PTPRT: variants seen among roughly 807,000 people sequenced by gnomAD.
PTPRT encodes the protein protein tyrosine phosphatase receptor type T, also known as receptor-type tyrosine-protein phosphatase T.
A neutral mutation model predicts 176.8 loss-of-function variants in PTPRT; 56 were observed. The ratio of observed to expected loss-of-function variants is 0.32; its 90% CI spans 0.26 to 0.40. The LOEUF is 0.40. Among genes scored for constraint, PTPRT ranks in the 10% least tolerant of loss-of-function variants. The pLI, the probability that PTPRT is intolerant of heterozygous loss-of-function variation, is 1.00. For synonymous variants in PTPRT, 783 were observed against 739.0 expected, an observed-to-expected ratio of 1.06 and a Z score of -0.96; for missense variants, 1,540 against 1,908.2, an observed-to-expected ratio of 0.81 and a Z score of 3.60.
chr20:42,822,649 C>T (rs984826353), intron 2 of PTPRT, among the ~76,000 whole-genome samples: 3 of 151,906 alleles, frequency 2.0e-5, no homozygotes, highest in African/African-American at 7.3e-5. Flanking sequence ...TGCAATCTAC[C>T]CATCTGACAA....
intron 9 of PTPRT, among the ~76,000 whole-genome samples, chr20:42,375,979 G>A (rs2058645600): frequency 6.6e-6 from 1 of 152,086 alleles, no homozygotes; most frequent in Non-Finnish European, 1.5e-5. Context: ...AAGCAGCATG[G>A]GAGGATATAA....
chr20:42,821,927 A>G (rs1307699105), intron 2 of PTPRT, among the ~76,000 whole-genome samples: 2 of 152,188 alleles, frequency 1.3e-5, no homozygotes. Context: ...AACAAATGGA[A>G]AAACATTCCA....
At chr20:42,897,756 A>G (rs973896126) in intron 1 of PTPRT, among the ~76,000 whole-genome samples, 1 of 152,156 alleles carries the variant, frequency 6.6e-6, no homozygotes, top group Non-Finnish European at 1.5e-5. Flanking sequence ...GACCTTGGCC[A>G]ACTTATGTAA....
chr20:42,350,211 C>CTTGTTTTTTTTTTTGTTGTTGTT (rs1568799115), intron 11 of PTPRT, among the ~76,000 whole-genome samples: 2 of 70,602 alleles, frequency 2.8e-5, no homozygotes, highest in Non-Finnish European at 5.9e-5. Context: ...TAGGATGTTT[C>CTTGTTTTTTTTTTTGTTGTTGTT]TTGTTTTTTT....
At chr20:42,572,593 GC>G (rs1294859755) in intron 7 of PTPRT, among the ~76,000 whole-genome samples, 3 of 152,158 alleles carry the variant, frequency 2.0e-5, no homozygotes, top group Admixed American at 6.5e-5. Flanking sequence ...TCTCAGGAAA[GC>G]CCCCTTCACC....
At chr20:43,110,098 A>G (rs918483512) in intron 1 of PTPRT, among the ~76,000 whole-genome samples, 1 of 152,218 alleles carries the variant, frequency 6.6e-6, no homozygotes, top group Non-Finnish European at 1.5e-5. Context: ...GGAAGGTTCA[A>G]AATAGGGCAT....
downstream of PTPRT, among the ~76,000 whole-genome samples, chr20:42,071,112 T>A (rs902181448): frequency 6.6e-6 from 1 of 152,078 alleles, no homozygotes; most frequent in Non-Finnish European, 1.5e-5. Flanking sequence ...TAGTGAGCCA[T>A]GTATCTAGGT....
Position 42,352,294 on chromosome 20 carries a change from C to T in PTPRT, c.1561-9G>A. 1 of 1,613,800 alleles carries T rather than the reference C, an allele frequency of 6.2e-7. No homozygotes were observed. Among genetic ancestry groups the T allele is most frequent in the Non-Finnish European group, 8.5e-7 (1 of 1,179,838 alleles). The stretch of plus-strand genomic sequence containing the variant: ...ACAGCCTTGTAGTTGATCTGTAGGA[C>T]AAGCCAGCAAACAAACAAACAAATA... On this transcript the variant is annotated splice_polypyrimidine_tract_variant and intron_variant, in intron 9 of 30. Coordinates refer to ENST00000373187, the MANE Select transcript of PTPRT (RefSeq NM_007050.6).
intron 1 of PTPRT, among the ~76,000 whole-genome samples, chr20:43,111,277 C>T (rs548945704): frequency 6.6e-6 from 1 of 152,148 alleles, no homozygotes; most frequent in Admixed American, 6.5e-5. Context: ...CAGTGGCTCA[C>T]GCCTGTAATC....
chr20:42,217,448 TC>T (rs2146771732), intron 15 of PTPRT, among the ~76,000 whole-genome samples: 1 of 142,094 alleles, frequency 7.0e-6, no homozygotes, highest in Non-Finnish European at 1.5e-5. Context: ...CATCCCCCAC[TC>T]CACCCCAAAA....
chr20:43,121,763 T>C (rs183503938), intron 1 of PTPRT, among the ~76,000 whole-genome samples: 2 of 152,370 alleles, frequency 1.3e-5, no homozygotes, highest in East Asian at 3.8e-4. Context: ...AATTTGTCTT[T>C]GGATTTTGGT....
rs1229522250 is a variant in PTPRT, at chr20:42,813,372, CCCTTCCTTCCTTTTTCTT to C, written c.215-21924_215-21907del. Among the ~76,000 whole-genome samples the C allele has an allele frequency of 2.0e-5, 3 of 151,664 alleles. No individual in the cohort carries two copies. The East Asian group carries it at 5.8e-4, about 29-fold the overall frequency. ...ATTACAGCCCCCTGCTTGCTTGCAT[CCCTTCCTTCCTTTTTCTT>C]CCTTCCTTCCTTGCCCCCTCCCTTC... On this transcript the variant is annotated intron_variant, in intron 2 of 30. Coordinates refer to ENST00000373187, the MANE Select transcript of PTPRT (RefSeq NM_007050.6).
rs575201236 is a variant in PTPRT at position 42,869,966 on chromosome 20, A to G, written c.214+15841T>C. Among the ~76,000 whole-genome samples the G allele has an allele frequency of 1.1e-4, 16 of 152,326 alleles. No individual in the cohort carries two copies. The South Asian group carries it at 3.3e-3, about 32-fold the overall frequency. On this transcript the variant is annotated intron_variant, in intron 2 of 30. Transcript: ENST00000373187. The stretch of plus-strand genomic sequence containing the variant: ...CCTTTTTGTCCTTCCATGTGACAGC[A>G]TAGCATTCAAGCCACCATCTTTGAA...
chr20:42,431,105 C>A (rs779048828), intron 9 of PTPRT, among the ~76,000 whole-genome samples: 1 of 152,190 alleles, frequency 6.6e-6, no homozygotes, highest in Non-Finnish European at 1.5e-5. Flanking sequence ...TGAATGGATA[C>A]TGGACAGCTA....
chr20:42,448,512 T>G (rs2070771799), intron 8 of PTPRT, among the ~76,000 whole-genome samples, 183 bp from the exon 9 acceptor site: 1 of 152,172 alleles, frequency 6.6e-6, no homozygotes, highest in Non-Finnish European at 1.5e-5. Context: ...CAAAAATGAC[T>G]ATAGATAATC....
chr20:42,812,799 A>G (rs905761917), intron 2 of PTPRT, among the ~76,000 whole-genome samples: 1 of 152,204 alleles, frequency 6.6e-6, no homozygotes, highest in African/African-American at 2.4e-5. Context: ...TGAAAAATTA[A>G]TTCATGTAAA....
intron 6 of PTPRT, among the ~76,000 whole-genome samples, chr20:42,722,960 G>T (rs2076325345): frequency 6.6e-6 from 1 of 152,122 alleles, no homozygotes; most frequent in South Asian, 2.1e-4. Context: ...AAGCATGCCT[G>T]CCAGACTCAG....
At position 42,350,668 on chromosome 20, in the gene PTPRT, C is replaced by T. The variant is rs1326069279; in HGVS notation, c.1825G>A (p.Val609Met). Residue 609 changes from valine to methionine, a missense_variant, in exon 11 of 31, where the codon GTG (valine) becomes ATG (methionine). Val to Met is a conservative substitution (Grantham distance 21). Coordinates refer to ENST00000373187, the MANE Select transcript of PTPRT (RefSeq NM_007050.6). ...CGGGACTGAGCGGGTTTCAGCATCA[C>T]TGTGATGGTCGTGTCTGTCTCATTC... Reference protein sequence around the residue: ...PLNETDTTITVMLKPAQSRGA... With the variant: ...PLNETDTTITMMLKPAQSRGA... 1 of 1,613,794 alleles carries T rather than the reference C, an allele frequency of 6.2e-7. No individual in the cohort carries two copies. Among genetic ancestry groups the T allele is most frequent in the African/African-American group, 1.3e-5 (1 of 74,932 alleles).
At chr20:42,243,354 A>G (rs1460373768) in intron 14 of PTPRT, among the ~76,000 whole-genome samples, 1 of 152,196 alleles carries the variant, frequency 6.6e-6, no homozygotes, top group Non-Finnish European at 1.5e-5. Context: ...CAGCAAAACT[A>G]CAACCACCGG....
Sources: gnomAD v4.1 joint callset for allele counts (sites outside exome capture counted in the v4.1 genomes callset) on GRCh38, gnomAD v4.1.1 for gene constraint, MANE v1.5 for transcripts, NCBI Gene and HGNC (gene_info 2026-07-23, HGNC 2026-07-21) for gene names.